The following EPHA10 variants were observed in gnomAD, a reference collection of about 807,000 sequenced individuals.
EPHA10 encodes the protein EPH receptor A10.
A neutral mutation model predicts 109.7 loss-of-function variants in EPHA10; 120 were observed. That is an observed-to-expected ratio of 1.09 (90% confidence interval 0.94 to 1.27). The LOEUF is 1.27. Ranked by LOEUF, EPHA10 falls within the 50% of genes most tolerant of loss-of-function variation. The pLI, the probability that EPHA10 is intolerant of heterozygous loss-of-function variation, is 0.00. For missense variants in EPHA10, 1,396 were observed against 1,411.1 expected (o/e 0.99, Z 0.17); for synonymous variants, 640 against 618.9 (o/e 1.03, Z -0.51).
downstream of EPHA10, among the ~76,000 whole-genome samples, chr1:37,715,346 A>G (rs61299484): frequency 0.035 from 5,352 of 152,016 alleles, 310 homozygotes; most frequent in African/African-American, 0.12. Flanking sequence ...CTCTGTATTT[A>G]ACACCAAAAC....
chr1:37,741,758 TA>T (rs11411840), intron 5 of EPHA10, among the ~76,000 whole-genome samples: 3,051 of 142,910 alleles, frequency 0.021, 123 homozygotes, highest in East Asian at 0.2. Context: ...TCTGACCCTT[TA>T]AAAAAAAAAA....
intron 5 of EPHA10, among the ~76,000 whole-genome samples, chr1:37,748,791 C>T (rs10908377): frequency 0.24 from 36,462 of 151,880 alleles, 4,588 homozygotes; most frequent in Admixed American, 0.27. Flanking sequence ...AAATTAACAT[C>T]CATTTCTGAT....
intron 3 of EPHA10, 57 bp downstream of exon 3, chr1:37,761,348 C>G (rs1014145314): frequency 6.4e-7 from 1 of 1,571,366 alleles, no homozygotes. Flanking sequence ...CACACTCTCT[C>G]TCAATTGCCA....
At chr1:37,750,608 C>G (rs953066890) in intron 5 of EPHA10, among the ~76,000 whole-genome samples, 8 of 150,234 alleles carry the variant, frequency 5.3e-5, no homozygotes, top group Non-Finnish European at 1.2e-4. Flanking sequence ...GAGACATAGT[C>G]TGGCTCTGTC....
rs749534188 is a variant in EPHA10, at chr1:37,765,051, C to T, written c.16G>A (p.Gly6Ser). The change falls in exon 1 of 17, where the codon GGT becomes AGT. Residue 6 changes from glycine to serine, a missense_variant. Gly to Ser is a moderately conservative substitution (Grantham distance 56). Coordinates refer to ENST00000373048, the MANE Select transcript of EPHA10 (RefSeq NM_001099439.2). METCAGPHPLRLFLCR... is the reference protein window; with the variant it reads METCASPHPLRLFLCR... ...AGGAAGAGGCGCAGCGGGTGTGGACCGGCGCAGGTCTCCATGGTCCGCAGA... is the reference window on the plus strand; with the variant it reads ...AGGAAGAGGCGCAGCGGGTGTGGACTGGCGCAGGTCTCCATGGTCCGCAGA... 6.2e-7 allele frequency: 1 copy of T among 1,602,984 alleles called. No homozygotes were observed. The highest frequency in any genetic ancestry group is 1.7e-5 in the Admixed American group (1 of 58,506).
downstream of EPHA10, among the ~76,000 whole-genome samples, chr1:37,715,181 C>G (rs916485423): frequency 2.6e-5 from 4 of 152,124 alleles, no homozygotes; most frequent in Admixed American, 6.5e-5. Flanking sequence ...AGGCACCCAC[C>G]ACCACACCCA....
rs770864951 is a variant in EPHA10 at position 37,762,097 on chromosome 1, T to TAAAG, written c.172-18_172-15dup. On this transcript the variant is annotated splice_polypyrimidine_tract_variant and intron_variant, in intron 2 of 16. Transcript: ENST00000373048. ...GATCTCCTCCCACTGGGGACAAGAG[T>TAAAG]AAAGGGGTGGGCAGCCCAGAGCCAA... The TAAAG allele has an allele frequency of 1.9e-6, 3 of 1,560,952 alleles. No homozygotes were observed. Among genetic ancestry groups the TAAAG allele is most frequent in the South Asian group, 2.4e-5 (2 of 81,794 alleles).
rs1646430923 is a variant in EPHA10 at position 37,761,562 on chromosome 1, G to A, written c.693C>T (p.Ser231=). ...FPATAAESAF[S]TLVEVAGTCV... ...ACGTTCCGGCCACTTCCACCAGTGT[G>A]GAGAAGGCGCTCTCGGCTGCGGTGG... The change falls in exon 3 of 17, where the codon TCC becomes TCT. Residue 231 remains serine, a synonymous_variant. Transcript: ENST00000373048. 1 of 1,598,762 alleles carries A rather than the reference G, an allele frequency of 6.3e-7. No individual in the cohort carries two copies. The highest frequency in any genetic ancestry group is 1.3e-5 in the African/African-American group (1 of 74,754).
At chr1:37,721,591 C>G in intron 11 of EPHA10, 69 bp downstream of exon 11, 1 of 1,484,734 alleles carries the variant, frequency 6.7e-7, no homozygotes, top group Non-Finnish European at 9.0e-7. Flanking sequence ...GCACTCCAAA[C>G]TCCCACACCA....
At chr1:37,748,669 C>T (rs774706515) in intron 5 of EPHA10, among the ~76,000 whole-genome samples, 6 of 151,866 alleles carry the variant, frequency 4.0e-5, no homozygotes, top group African/African-American at 7.3e-5. Flanking sequence ...AGGGTATAAT[C>T]CAGGAGTGCA....
At chr1:37,726,791 G>A (rs1282539022) in intron 8 of EPHA10, among the ~76,000 whole-genome samples, 1 of 152,178 alleles carries the variant, frequency 6.6e-6, no homozygotes, top group Non-Finnish European at 1.5e-5. Flanking sequence ...GAGCTCCTCC[G>A]GAGAATTCTA....
chr1:37,761,798 C>A lies in EPHA10; in HGVS notation c.457G>T (p.Asp153Tyr). The change falls in exon 3 of 17, where the codon GAC becomes TAC. Residue 153 changes from aspartate (D) to tyrosine (Y), a missense_variant. By Grantham distance (160) the Asp-to-Tyr change is radical. Coordinates refer to ENST00000373048, the MANE Select transcript of EPHA10 (RefSeq NM_001099439.2). ...AAGCTCTCGTCCGCCGCGATCGTGT[C>A]GATTTTGCGGGGCCGGCTGCCGCCT... ...RLGGSRPRKI[D>Y]TIAADESFTQ... 1 of 1,613,778 alleles carries A rather than the reference C, an allele frequency of 6.2e-7. No homozygotes were observed. Among genetic ancestry groups the A allele is most frequent in the Non-Finnish European group, 8.5e-7 (1 of 1,179,800 alleles).
Position 37,720,376 on chromosome 1 carries a change from C to G in EPHA10, c.2387G>C (p.Arg796Pro), listed in dbSNP as rs372556495. 27 of 1,611,242 alleles carry G rather than the reference C, an allele frequency of 1.7e-5. No homozygotes were observed. The Admixed American group carries it at 4.2e-4, about 25-fold the overall frequency. Residue 796 changes from arginine (R) to proline (P), a missense_variant, in exon 13 of 17, where the codon CGA becomes CCA. Physicochemically the swap from Arg to Pro is moderately radical, Grantham distance 103. Transcript: ENST00000373048. ...ISGFGRGPRDRSEAVYTTMSG... is the reference protein window; with the variant it reads ...ISGFGRGPRDPSEAVYTTMSG... ...CATAGTGGTGTAGACAGCCTCTGAT[C>G]GGTCCCGGGGGCCCCGCCCGAAGCC...
At chr1:37,749,355 C>T (rs1646288523) in intron 5 of EPHA10, among the ~76,000 whole-genome samples, 1 of 152,006 alleles carries the variant, frequency 6.6e-6, no homozygotes, top group African/African-American at 2.4e-5. Flanking sequence ...GCTTCTAAAT[C>T]TATCTGTGTC....
intron 5 of EPHA10, among the ~76,000 whole-genome samples, chr1:37,750,112 G>A (rs1326965267): frequency 3.9e-5 from 6 of 152,092 alleles, no homozygotes; most frequent in South Asian, 2.1e-4. Context: ...TTTTCTGGAC[G>A]TATATACTCT....
At chr1:37,730,189 C>T (rs1164870899) in intron 7 of EPHA10, among the ~76,000 whole-genome samples, 1 of 152,142 alleles carries the variant, frequency 6.6e-6, no homozygotes, top group African/African-American at 2.4e-5. Context: ...AGCACCTGGC[C>T]GAGGTCTGAC....
Position 37,753,226 on chromosome 1 carries a change from C to T in EPHA10, c.1007G>A (p.Arg336Gln), listed in dbSNP as rs767400879. 7.6e-7 allele frequency: 1 copy of T among 1,319,020 alleles called. No individual in the cohort carries two copies. The highest frequency in any genetic ancestry group is 9.6e-7 in the Non-Finnish European group (1 of 1,038,586). The allele number at this position is 1,319,020 out of a possible 1,614,324, so 81.7% of individuals were successfully genotyped here. The change falls in exon 5 of 17, where the codon CGG becomes CAG. Residue 336 changes from arginine (R) to glutamine (Q), a missense_variant and splice_region_variant. Arg to Gln is a conservative substitution (Grantham distance 43, BLOSUM62 1). Transcript: ENST00000373048. ...PTDPPSASCT[R>Q]PPSAPRDLQY... ...CAGGTCCCGCGGCGCCGACGGCGGC[C>T]CTGAGGCGGCACAGGGGCGGGGCGG...
In EPHA10 at chr1:37,718,461, AAG is replaced by A; in HGVS notation, c.2936_2937del (p.Ser979PhefsTer3). 1 of 1,613,436 alleles carries A rather than the reference AAG, an allele frequency of 6.2e-7. No homozygotes were observed. Among genetic ancestry groups the A allele is most frequent in the Non-Finnish European group, 8.5e-7 (1 of 1,180,004 alleles). Reference protein sequence around the residue: ...TAQDLVSLGISLAEHREALLS... With the variant: ...TAQDLVSLGIXLAEHREALLS... ...AGGAGGGCCTCTCGATGTTCAGCCAAAGAGATGCCTAGGCTCACCAGGTCCCT... is the reference window on the plus strand; with the variant it reads ...AGGAGGGCCTCTCGATGTTCAGCCAAAGATGCCTAGGCTCACCAGGTCCCT... On this transcript the variant is annotated frameshift_variant, in exon 17 of 17. Coordinates refer to ENST00000373048, the MANE Select transcript of EPHA10 (RefSeq NM_001099439.2). LOFTEE classifies it high-confidence loss of function.
intron 5 of EPHA10, among the ~76,000 whole-genome samples, chr1:37,748,565 A>ATGGG: frequency 6.6e-6 from 1 of 152,208 alleles, no homozygotes; most frequent in Non-Finnish European, 1.5e-5. Context: ...AACACATTAC[A>ATGGG]AAACACTAAT....
Sources: allele counts gnomAD v4.1 joint callset (sites outside exome capture counted in the v4.1 genomes callset), GRCh38; gene constraint gnomAD v4.1.1; transcripts MANE v1.5; gene names NCBI Gene and HGNC (gene_info 2026-07-23, HGNC 2026-07-21).